The following BICC1 variants were observed in gnomAD, a reference collection of about 807,000 sequenced individuals.
BICC1 encodes the protein protein bicaudal C homolog 1.
A neutral mutation model predicts 111.0 loss-of-function variants in BICC1; 43 were observed. The ratio of observed to expected loss-of-function variants is 0.39; its 90% confidence interval spans 0.30 to 0.50. BICC1 has a LOEUF of 0.50. Ranked by LOEUF, BICC1 falls within the 20% of genes least tolerant of loss-of-function variation. The probability of loss-of-function intolerance (pLI) is 0.88; values close to 1 mark genes in which losing one functional copy is unlikely to be tolerated. For synonymous variants in BICC1, 467 were observed against 434.4 expected, an observed-to-expected ratio of 1.07 and a Z score of -0.93; for missense variants, 1,091 against 1,203.2, an observed-to-expected ratio of 0.91 and a Z score of 1.38.
intron 3 of BICC1, among the ~76,000 whole-genome samples, chr10:58,754,756 G>GTGCA (rs1842094475): frequency 9.1e-6 from 1 of 109,380 alleles, no homozygotes; most frequent in Admixed American, 1.1e-4. Context: ...GAGGGGGGGT[G>GTGCA]TGTATGTGTG....
chr10:58,735,671 G>A (rs981790850), intron 3 of BICC1, among the ~76,000 whole-genome samples: 9 of 152,150 alleles, frequency 5.9e-5, no homozygotes, highest in South Asian at 2.1e-4. Flanking sequence ...TTATTCGATC[G>A]TGTGAAACTG....
At chr10:58,625,147 C>T (rs1845949165) in intron 2 of BICC1, among the ~76,000 whole-genome samples, 1 of 152,228 alleles carries the variant, frequency 6.6e-6, no homozygotes, top group Admixed American at 6.5e-5. Flanking sequence ...TCTCCGTCCA[C>T]TCCTGATGGC....
At chr10:58,796,598 A>G (rs1243902062) in intron 10 of BICC1, 72 bp downstream of exon 10, 7 of 1,423,394 alleles carry the variant, frequency 4.9e-6, no homozygotes, top group African/African-American at 4.3e-5. Context: ...TCTTTCTACC[A>G]TTCGGGTCTA....
intron 18 of BICC1, among the ~76,000 whole-genome samples, chr10:58,814,768 C>G (rs1844033185): frequency 6.6e-6 from 1 of 151,760 alleles, no homozygotes; most frequent in African/African-American, 2.4e-5. Context: ...TGCACTACAG[C>G]CTGGGTGACA....
intron 3 of BICC1, among the ~76,000 whole-genome samples, chr10:58,771,039 C>T (rs527336671): frequency 3.3e-5 from 5 of 152,172 alleles, no homozygotes; most frequent in Admixed American, 2.6e-4. Flanking sequence ...TTAATCCTTA[C>T]AACAATCTAT....
intron 7 of BICC1, 86 bp from the exon 8 acceptor site, chr10:58,789,596 A>T: frequency 1.3e-6 from 2 of 1,547,464 alleles, no homozygotes; most frequent in South Asian, 1.2e-5. Flanking sequence ...GTATTTTTCC[A>T]TAGCTGTTAG....
intron 1 of BICC1, among the ~76,000 whole-genome samples, chr10:58,519,759 T>C (rs950773308): frequency 1.3e-4 from 20 of 152,184 alleles, no homozygotes; most frequent in Non-Finnish European, 1.0e-4. Flanking sequence ...TCTTCTCATC[T>C]TGTTACTCCT....
In BICC1 at chr10:58,549,633, C is replaced by CT. The variant is rs545660213; in HGVS notation, c.190+36308dup. On this transcript the variant is annotated intron_variant, in intron 1 of 20. Transcript: ENST00000373886. Reference sequence around the variant, plus strand: ...CTGTTCAGATTTTTTTTTTTTGGCCCTTTTTTTTGTTGTTGTTATTGTTGA... The same window carrying CT: ...CTGTTCAGATTTTTTTTTTTTGGCCCTTTTTTTTTGTTGTTGTTATTGTTGA... Among the ~76,000 whole-genome samples, 54 of 145,668 alleles carry CT rather than the reference C, an allele frequency of 3.7e-4. 1 individual carries two copies. Among genetic ancestry groups the CT allele is most frequent in the Admixed American group, 6.1e-4 (9 of 14,674 alleles).
intron 3 of BICC1, among the ~76,000 whole-genome samples, chr10:58,731,894 T>A (rs574703929): frequency 6.6e-6 from 1 of 152,340 alleles, no homozygotes; most frequent in South Asian, 2.1e-4. Context: ...ACCTCCAACA[T>A]TGGAGATTAC....
At chr10:58,712,158 C>A (rs1840596664) in intron 3 of BICC1, among the ~76,000 whole-genome samples, 1 of 152,136 alleles carries the variant, frequency 6.6e-6, no homozygotes, top group Non-Finnish European at 1.5e-5. Context: ...GATATCACTA[C>A]CTACCTGTTA....
intron 3 of BICC1, among the ~76,000 whole-genome samples, chr10:58,780,274 G>A (rs1842849661): frequency 6.6e-6 from 1 of 152,122 alleles, no homozygotes; most frequent in South Asian, 2.1e-4. Flanking sequence ...TATAATATAT[G>A]GAAATTTTCC....
chr10:58,806,314 T>G (rs527443078), intron 15 of BICC1, among the ~76,000 whole-genome samples: 1 of 152,096 alleles, frequency 6.6e-6, no homozygotes, highest in Non-Finnish European at 1.5e-5. Flanking sequence ...TAAATAAGAT[T>G]TTTTTTTCTT....
chr10:58,701,966 T>A (rs1840251589), intron 2 of BICC1, 108 bp from the exon 3 acceptor site: 1 of 739,994 alleles, frequency 1.4e-6, no homozygotes, highest in Non-Finnish European at 2.2e-6. Flanking sequence ...TCATTTTGTA[T>A]GAACATGAAC....
At chr10:58,808,145 G>A (rs998294973) in intron 17 of BICC1, among the ~76,000 whole-genome samples, 5 of 150,758 alleles carry the variant, frequency 3.3e-5, no homozygotes, top group African/African-American at 9.8e-5. Context: ...AGAGTCTCCT[G>A]TGAATTTCAT....
intron 3 of BICC1, among the ~76,000 whole-genome samples, chr10:58,708,956 T>C (rs1270007333): frequency 6.6e-6 from 1 of 152,204 alleles, no homozygotes; most frequent in East Asian, 1.9e-4. Flanking sequence ...TGAGGACTTC[T>C]TACCCTTACT....
Position 58,829,033 on chromosome 10 carries a change from T to A in BICC1, c.*142T>A, listed in dbSNP as rs1356921480. 7.9e-6 allele frequency: 7 copies of A among 890,646 alleles called. No homozygotes were observed. The allele number at this position is 890,646 out of a possible 1,614,324, so 55.2% of individuals were successfully genotyped here. A position where few individuals can be genotyped will look rare whatever the true frequency, so the allele number is the denominator to read the frequency against. ...GCATTTTATTCGCACCTGTACTTTA[T>A]GGCAAAAAGGAAGAAGAGAGAGAAG... is the stretch of plus-strand genomic sequence containing the variant. On this transcript the variant is annotated 3_prime_UTR_variant, in exon 21 of 21. Coordinates refer to ENST00000373886, the MANE Select transcript of BICC1 (RefSeq NM_001080512.3).
intron 2 of BICC1, among the ~76,000 whole-genome samples, chr10:58,656,738 C>T (rs921849122): frequency 6.6e-5 from 10 of 152,110 alleles, no homozygotes; most frequent in Non-Finnish European, 1.0e-4. Flanking sequence ...AAGTTCAGTT[C>T]TAAAATTTTA....
At chr10:58,559,916 C>T (rs536261929) in intron 1 of BICC1, among the ~76,000 whole-genome samples, 1 of 151,526 alleles carries the variant, frequency 6.6e-6, no homozygotes, top group Non-Finnish European at 1.5e-5. Context: ...ATAAAGCCCA[C>T]CTGATCATGT....
At chr10:58,529,635 A>G (rs866468788) in intron 1 of BICC1, among the ~76,000 whole-genome samples, 9 of 151,982 alleles carry the variant, frequency 5.9e-5, no homozygotes, top group Middle Eastern at 3.4e-3. Flanking sequence ...AATCATGTAA[A>G]GACATGTTTA....
Sources: allele counts gnomAD v4.1 joint callset (sites outside exome capture counted in the v4.1 genomes callset), GRCh38; gene constraint gnomAD v4.1.1; transcripts MANE v1.5; gene names NCBI Gene and HGNC (gene_info 2026-07-23, HGNC 2026-07-21).